The following SMIM14 variants were observed in gnomAD, a reference collection of about 807,000 sequenced individuals.
SMIM14 encodes the protein small integral membrane protein 14, also known as chromosome 4 open reading frame 34.
A neutral mutation model predicts 12.6 loss-of-function variants in SMIM14; 5 were observed. The ratio of observed to expected loss-of-function variants is 0.40; its 90% CI spans 0.21 to 0.83. SMIM14 has a LOEUF of 0.83. SMIM14 is among the 40% of genes least tolerant of loss of function. The pLI is 0.37. For synonymous variants in SMIM14, 30 were observed against 40.1 expected (o/e 0.75, Z 0.95); for missense variants, 86 against 119.1 (o/e 0.72, Z 1.29).
intron 1 of SMIM14, among the ~76,000 whole-genome samples, chr4:39,628,720 C>CTTTTTTTTTTTT (rs541461723): frequency 7.4e-6 from 1 of 135,276 alleles, no homozygotes. Flanking sequence ...AAATGTTTTT[C>CTTTTTTTTTTTT]TTTTTTTTTT....
At chr4:39,605,597 G>A (rs1237083828) in intron 1 of SMIM14, among the ~76,000 whole-genome samples, 1 of 152,028 alleles carries the variant, frequency 6.6e-6, no homozygotes, top group Admixed American at 6.6e-5. Flanking sequence ...TAATGACATA[G>A]CTAAAAAATA....
chr4:39,607,869 C>T, intron 1 of SMIM14, among the ~76,000 whole-genome samples: 1 of 152,052 alleles, frequency 6.6e-6, no homozygotes, highest in East Asian at 1.9e-4. Context: ...TGGCAAAGAA[C>T]TTGAACAGAC....
At chr4:39,599,673 C>G (rs1714520477) in intron 2 of SMIM14, among the ~76,000 whole-genome samples, 1 of 152,054 alleles carries the variant, frequency 6.6e-6, no homozygotes, top group South Asian at 2.1e-4. Context: ...CCTGTAATCC[C>G]AGCACTTTGG....
At chr4:39,610,535 AT>A (rs1200286035) in intron 1 of SMIM14, among the ~76,000 whole-genome samples, 4 of 151,724 alleles carry the variant, frequency 2.6e-5, no homozygotes, top group Admixed American at 6.6e-5. Flanking sequence ...ACACACAAAA[AT>A]TTTTTTTAAT....
At chr4:39,633,636 T>C (rs2109260068) in intron 1 of SMIM14, among the ~76,000 whole-genome samples, 1 of 152,230 alleles carries the variant, frequency 6.6e-6, no homozygotes, top group South Asian at 2.1e-4. Context: ...TATGGACCTG[T>C]GGTCCTAGCT....
intron 2 of SMIM14, among the ~76,000 whole-genome samples, chr4:39,576,203 T>C (rs992360320): frequency 1.9e-4 from 29 of 151,856 alleles, no homozygotes; most frequent in Admixed American, 4.6e-4. Context: ...TCTTTTTTTT[T>C]TTTCTTTCTT....
intron 2 of SMIM14, among the ~76,000 whole-genome samples, chr4:39,576,682 ATATTTTTTTTTTTTTTTTTTT>A (rs1560289767): frequency 3.2e-4 from 10 of 31,012 alleles, no homozygotes; most frequent in African/African-American, 1.6e-3. Flanking sequence ...ATATATATAT[ATATTTTTTTTTTTTTTTTTTT>A]TTTTTTTTTT....
intron 1 of SMIM14, among the ~76,000 whole-genome samples, chr4:39,625,932 G>C (rs563125087): frequency 3.3e-5 from 5 of 152,340 alleles, no homozygotes; most frequent in Admixed American, 2.6e-4. Context: ...GTATAGATTA[G>C]TGCAGGGGTC....
chr4:39,565,560 G>A (rs1712529445), intron 3 of SMIM14, among the ~76,000 whole-genome samples: 1 of 152,166 alleles, frequency 6.6e-6, no homozygotes, highest in Non-Finnish European at 1.5e-5. Context: ...CTGAGCCCAA[G>A]TGATCTGCCT....
At chr4:39,604,394 A>C (rs1714726600) in intron 2 of SMIM14, among the ~76,000 whole-genome samples, 1 of 151,532 alleles carries the variant, frequency 6.6e-6, no homozygotes, top group African/African-American at 2.4e-5. Context: ...AATATTAGCC[A>C]GGCGTGGTGG....
intron 1 of SMIM14, among the ~76,000 whole-genome samples, chr4:39,614,518 C>T (rs925778546): frequency 6.6e-6 from 1 of 152,048 alleles, no homozygotes; most frequent in Non-Finnish European, 1.5e-5. Flanking sequence ...GATGGAGTTC[C>T]ACCATGTTGG....
At chr4:39,572,103 CT>C (rs920329201) in intron 3 of SMIM14, among the ~76,000 whole-genome samples, 7 of 150,578 alleles carry the variant, frequency 4.6e-5, no homozygotes, top group Non-Finnish European at 8.9e-5. Flanking sequence ...TGCACCCAGC[CT>C]TTTTTTTTCC....
chr4:39,574,237 C>CTTTTTTTTTTT (rs11338888), intron 2 of SMIM14, among the ~76,000 whole-genome samples: 136 of 126,798 alleles, frequency 1.1e-3, no homozygotes, highest in Admixed American at 2.2e-3. Flanking sequence ...CTGCAACTTT[C>CTTTTTTTTTTT]TTTTTTTTTT....
At chr4:39,638,182 G>T (rs1716175435) in intron 1 of SMIM14, 1 of 152,208 alleles carries the variant, frequency 6.6e-6, no homozygotes, top group African/African-American at 2.4e-5. Context: ...GTCAGCCTTG[G>T]TTCCACTTAC....
intron 2 of SMIM14, among the ~76,000 whole-genome samples, chr4:39,582,163 G>A (rs976297841): frequency 2.0e-5 from 3 of 152,000 alleles, no homozygotes; most frequent in African/African-American, 4.8e-5. Flanking sequence ...GAGCCACCGC[G>A]CCTGGTCTAG....
rs1206782502 is a variant in SMIM14 at position 39,605,214 on chromosome 4, A to C, written c.-35-34T>G. 3 of 1,203,214 alleles carry C rather than the reference A, an allele frequency of 2.5e-6. No individual in the cohort carries two copies. The Admixed American group carries it at 6.6e-5, about 27-fold the overall frequency. The allele number at this position is 1,203,214 out of a possible 1,614,324, so 74.5% of individuals were successfully genotyped here. The stretch of plus-strand genomic sequence containing the variant: ...AAGGAAAAAATACTGTTAAGTCTAC[A>C]ATTCAGAATTACTCTTTCTCTTGAG... On this transcript the variant is annotated intron_variant, in intron 1 of 4. Coordinates refer to ENST00000295958, the MANE Select transcript of SMIM14 (RefSeq NM_174921.3).
rs138805918 is a variant in SMIM14, at chr4:39,558,709, C to CT, written c.125-2140dup. Among the ~76,000 whole-genome samples the CT allele has an allele frequency of 2.4e-4, 37 of 152,124 alleles. No individual in the cohort carries two copies. Among genetic ancestry groups the CT allele is most frequent in the African/African-American group, 7.9e-4 (33 of 41,522 alleles). On this transcript the variant is annotated intron_variant, in intron 3 of 4. Transcript: ENST00000295958. This position sits in a 1 kb window ranked among gnomAD's most constrained non-coding sequence, Gnocchi z 4.3. Reference sequence around the variant, plus strand: ...TCAGTTACAAGGAGGAGAGCAGTTTCTTTTTTTTGTTTGTTTTTTTGAGAC... The same window carrying CT: ...TCAGTTACAAGGAGGAGAGCAGTTTCTTTTTTTTTGTTTGTTTTTTTGAGAC...
intron 1 of SMIM14, chr4:39,638,146 A>G (rs1020539836): frequency 2.0e-5 from 3 of 152,208 alleles, no homozygotes; most frequent in Non-Finnish European, 2.9e-5. Context: ...ATTAGTTCCA[A>G]TAAAGGGTGC....
intron 1 of SMIM14, among the ~76,000 whole-genome samples, chr4:39,622,146 C>T (rs992095176): frequency 1.1e-4 from 17 of 151,908 alleles, no homozygotes; most frequent in African/African-American, 4.1e-4. Flanking sequence ...TGCAGTGGCA[C>T]GATCTCGGTT....
Sources: gnomAD v4.1 joint callset for allele counts (sites outside exome capture counted in the v4.1 genomes callset) on GRCh38, gnomAD v4.1.1 for gene constraint, Gnocchi (gnomAD v3.1) non-coding constraint, MANE v1.5 for transcripts, NCBI Gene and HGNC (gene_info 2026-07-23, HGNC 2026-07-21) for gene names.